Variants in AKAP13 observed in about 807,000 individuals in gnomAD.
AKAP13 encodes the protein A-kinase anchoring protein 13, also known as A-kinase anchor protein 13.
AKAP13 carries 80 observed loss-of-function variants against 264.5 expected under a neutral mutation model. The ratio of observed to expected loss-of-function variants is 0.30; its 90% CI spans 0.25 to 0.36. The LOEUF (loss-of-function observed/expected upper bound fraction) is 0.36. AKAP13 is among the 10% of genes least tolerant of loss of function. The pLI, the probability that AKAP13 is intolerant of heterozygous loss-of-function variation, is 1.00. For missense variants in AKAP13, 3,712 were observed against 3,435.2 expected (o/e 1.08, Z -2.01); for synonymous variants, 1,380 against 1,250.2 (o/e 1.10, Z -2.19).
chr15:85,408,462 A>G (rs1295769203), intron 1 of AKAP13, among the ~76,000 whole-genome samples: 3 of 151,658 alleles, frequency 2.0e-5, no homozygotes, highest in Admixed American at 2.0e-4. Flanking sequence ...TTTTGTACCC[A>G]TGAAACAATA....
At chr15:85,486,667 C>T (rs544244089) in intron 2 of AKAP13, among the ~76,000 whole-genome samples, 1 of 150,774 alleles carries the variant, frequency 6.6e-6, no homozygotes. Context: ...TTGGTACTTC[C>T]TTGAAATTTG....
At chr15:85,556,696 C>T (rs987138400) in intron 5 of AKAP13, among the ~76,000 whole-genome samples, 2 of 152,176 alleles carry the variant, frequency 1.3e-5, no homozygotes, top group African/African-American at 2.4e-5. Context: ...TGGCTGTAAC[C>T]TCCCTGGCCA....
chr15:85,409,419 C>T (rs796176450), intron 1 of AKAP13, among the ~76,000 whole-genome samples: 2 of 151,750 alleles, frequency 1.3e-5, no homozygotes, highest in East Asian at 3.9e-4. Flanking sequence ...CTCAGGTGAT[C>T]TGCCTGCCTC....
At chr15:85,437,587 A>C (rs1265405685) in intron 1 of AKAP13, among the ~76,000 whole-genome samples, 2,630 of 152,052 alleles carry the variant, frequency 0.017, 50 homozygotes, top group Non-Finnish European at 0.028. Context: ...TACTGGCAAA[A>C]CGAATCCAGC....
chr15:85,460,238 T>G (rs1222554231), intron 1 of AKAP13, among the ~76,000 whole-genome samples: 1 of 152,196 alleles, frequency 6.6e-6, no homozygotes, highest in African/African-American at 2.4e-5. Flanking sequence ...TCACCAAGCT[T>G]TTGCTATCAA....
At chr15:85,390,677 G>A (rs1279978965) in intron 1 of AKAP13, among the ~76,000 whole-genome samples, 1 of 152,146 alleles carries the variant, frequency 6.6e-6, no homozygotes, top group African/African-American at 2.4e-5. Context: ...TAGAGAAGAT[G>A]GTGGCTTGGA....
chr15:85,633,700 C>T (rs182488359), intron 8 of AKAP13, among the ~76,000 whole-genome samples: 2,141 of 151,776 alleles, frequency 0.014, 23 homozygotes, highest in Middle Eastern at 0.034. Flanking sequence ...CCCGCCACCA[C>T]GCCTGGCTAA....
intron 20 of AKAP13, 142 bp downstream of exon 20, chr15:85,716,065 G>A (rs2086918199): frequency 9.3e-7 from 1 of 1,072,302 alleles, no homozygotes; most frequent in Non-Finnish European, 1.3e-6. Flanking sequence ...AGGACGATGG[G>A]GATTATGTTT....
intron 23 of AKAP13, 142 bp downstream of exon 23, chr15:85,719,468 C>A: frequency 1.7e-6 from 2 of 1,176,360 alleles, no homozygotes; most frequent in Non-Finnish European, 2.3e-6. Flanking sequence ...TCTCTGGAGC[C>A]TTGATTTCCT....
At chr15:85,500,674 C>T (rs967667911) in intron 2 of AKAP13, among the ~76,000 whole-genome samples, 2 of 152,162 alleles carry the variant, frequency 1.3e-5, no homozygotes, top group Non-Finnish European at 2.9e-5. Flanking sequence ...ACACATTTCC[C>T]CCCCAGAGAT....
At chr15:85,564,105 C>G (rs12592751) in intron 5 of AKAP13, among the ~76,000 whole-genome samples, 54,285 of 152,092 alleles carry the variant, frequency 0.36, 9,892 homozygotes, top group African/African-American at 0.38. Context: ...AATTTTCTGT[C>G]AGTATCTGTT....
At position 85,747,934 on chromosome 15, in the gene AKAP13, GT is replaced by G. The variant is rs1280217782; in HGVS notation, c.*3261del. 1 of 153,140 alleles carries G rather than the reference GT, an allele frequency of 6.5e-6. No homozygotes were observed. The highest frequency in any genetic ancestry group is 1.9e-4 in the East Asian group (1 of 5,196). The allele number at this position is 153,140 out of a possible 1,614,324, so 9.5% of individuals were successfully genotyped here. Reference sequence around the variant, plus strand: ...CCTCAGTATTAGTCGTGAGCACAAAGTTTTGAGACCTTTGGCGTTGTTTCTT... The same window carrying G: ...CCTCAGTATTAGTCGTGAGCACAAAGTTTGAGACCTTTGGCGTTGTTTCTT... On this transcript the variant is annotated 3_prime_UTR_variant, in exon 37 of 37. Transcript: ENST00000394518.
At position 85,582,060 on chromosome 15, in the gene AKAP13, A is replaced by T; in HGVS notation, c.3992A>T (p.Glu1331Val). 6.2e-7 allele frequency: 1 copy of T among 1,613,276 alleles called. No homozygotes were observed. The highest frequency in any genetic ancestry group is 1.1e-5 in the South Asian group (1 of 91,024). The change falls in exon 7 of 37, where the codon GAG (glutamate) becomes GTG (valine). Residue 1331 changes from glutamate (E) to valine (V), a missense_variant. Physicochemically the swap from Glu to Val is moderately radical, Grantham distance 121. Transcript: ENST00000394518. Reference sequence around the variant, plus strand: ...GCAGGATGTTTTGCTGGAAGGGAGGAGCCAGAGAAGATCATTTTACCTGTC... The same window carrying T: ...GCAGGATGTTTTGCTGGAAGGGAGGTGCCAGAGAAGATCATTTTACCTGTC... ...SLAGCFAGREEPEKIILPVQG... is the reference protein window; with the variant it reads ...SLAGCFAGREVPEKIILPVQG...
chr15:85,671,383 G>A (rs973245793), intron 14 of AKAP13, among the ~76,000 whole-genome samples: 3 of 141,722 alleles, frequency 2.1e-5, no homozygotes, highest in Non-Finnish European at 3.0e-5. Flanking sequence ...GCAGTGAGCT[G>A]TGATGGCACC....
intron 8 of AKAP13, among the ~76,000 whole-genome samples, chr15:85,615,431 C>T (rs1029328980): frequency 4.9e-4 from 45 of 91,020 alleles, no homozygotes; most frequent in Non-Finnish European, 7.6e-4. Flanking sequence ...TAATTGGAGA[C>T]GATCCTTTGC....
intron 1 of AKAP13, among the ~76,000 whole-genome samples, chr15:85,404,732 TTG>T (rs1331916000): frequency 2.0e-5 from 3 of 152,232 alleles, no homozygotes; most frequent in Non-Finnish European, 2.9e-5. Context: ...TGTCACACCT[TTG>T]TATCTTTAGT....
intron 1 of AKAP13, chr15:85,415,133 A>G: frequency 1.4e-6 from 1 of 726,410 alleles, no homozygotes; most frequent in Non-Finnish European, 2.3e-6. Context: ...CAGGAGTTTC[A>G]GAGGGAAATA....
At chr15:85,734,742 C>T (rs1162858749) in intron 30 of AKAP13, among the ~76,000 whole-genome samples, 1 of 152,212 alleles carries the variant, frequency 6.6e-6, no homozygotes, top group African/African-American at 2.4e-5. Flanking sequence ...AATTACTCTG[C>T]CTTCCCTGTA....
chr15:85,427,246 C>T (rs552436064), intron 1 of AKAP13, among the ~76,000 whole-genome samples: 7 of 152,166 alleles, frequency 4.6e-5, no homozygotes, highest in East Asian at 3.9e-4. Flanking sequence ...TGAGCCACCG[C>T]GCCCGGCCTT....
Sources: gnomAD v4.1 joint callset for allele counts (sites outside exome capture counted in the v4.1 genomes callset) on GRCh38, gnomAD v4.1.1 for gene constraint, MANE v1.5 for transcripts, NCBI Gene and HGNC (gene_info 2026-07-23, HGNC 2026-07-21) for gene names.